The following TANGO6 variants were observed in gnomAD, a reference collection of about 807,000 sequenced individuals.
TANGO6 encodes the protein transport and Golgi organization protein 6 homolog.
A neutral mutation model predicts 114.2 loss-of-function variants in TANGO6; 90 were observed. The observed-to-expected ratio is 0.79, with a 90% CI of 0.66 to 0.94. The LOEUF (loss-of-function observed/expected upper bound fraction) is 0.94. Ranked by LOEUF, TANGO6 falls within the 40% of genes least tolerant of loss-of-function variation. The pLI, the probability that TANGO6 is intolerant of heterozygous loss-of-function variation, is 0.00. For missense variants in TANGO6, 1,274 were observed against 1,315.3 expected (o/e 0.97, Z 0.49); for synonymous variants, 477 against 509.8 (o/e 0.94, Z 0.87).
intron 17 of TANGO6, among the ~76,000 whole-genome samples, chr16:69,056,997 CTTTTTTTT>C (rs71148961): frequency 1.2e-4 from 7 of 59,860 alleles, no homozygotes; most frequent in South Asian, 7.3e-4. Flanking sequence ...GCCTGATTTT[CTTTTTTTT>C]TTTTTTTTTT....
At chr16:68,893,443 A>G (rs1962657393) in intron 7 of TANGO6, among the ~76,000 whole-genome samples, 1 of 152,166 alleles carries the variant, frequency 6.6e-6, no homozygotes, top group Admixed American at 6.6e-5. Context: ...CGTAGGTAGA[A>G]ATCATACATG....
chr16:68,886,594 C>T (rs1161255672), intron 7 of TANGO6, among the ~76,000 whole-genome samples: 11 of 151,838 alleles, frequency 7.2e-5, no homozygotes, highest in Admixed American at 6.6e-4. Context: ...CTGCAACCCC[C>T]GCCTCTTGGG....
In TANGO6 at chr16:69,067,195, C is replaced by G. The variant is rs146633936; in HGVS notation, c.3109-16290C>G. On this transcript the variant is annotated intron_variant, in intron 17 of 17. Transcript: ENST00000261778. ...CATAGGTATGAGCTACTGTGCCTGG[C>G]CTACAAAAAAAATTTTTTTTTTATT... Among the ~76,000 whole-genome samples, 63 of 152,212 alleles carry G rather than the reference C, an allele frequency of 4.1e-4. No individual in the cohort carries two copies. In the East Asian group the frequency reaches 0.011, roughly 27 times the overall value.
chr16:69,010,411 C>T (rs925770813), intron 15 of TANGO6, among the ~76,000 whole-genome samples: 9 of 152,160 alleles, frequency 5.9e-5, no homozygotes, highest in Admixed American at 3.3e-4. Context: ...GCATTGTTTA[C>T]ATCTTTAATT....
At chr16:68,988,636 A>G (rs150777377) in intron 15 of TANGO6, among the ~76,000 whole-genome samples, 2 of 146,194 alleles carry the variant, frequency 1.4e-5, no homozygotes, top group East Asian at 2.0e-4. Flanking sequence ...ACCTGTTTCA[A>G]TTTTTCAATT....
At chr16:69,079,716 G>A (rs985398560) in intron 17 of TANGO6, among the ~76,000 whole-genome samples, 1 of 152,154 alleles carries the variant, frequency 6.6e-6, no homozygotes, top group East Asian at 1.9e-4. Context: ...TACTGGATTA[G>A]CAAAAATAAG....
chr16:68,983,142 A>G (rs1009517750), intron 15 of TANGO6, among the ~76,000 whole-genome samples: 3 of 152,036 alleles, frequency 2.0e-5, no homozygotes, highest in Non-Finnish European at 4.4e-5. Context: ...GAGCCACCGC[A>G]CTGGGCTGAA....
At chr16:69,080,374 G>C (rs1567572378) in intron 17 of TANGO6, among the ~76,000 whole-genome samples, 1 of 152,156 alleles carries the variant, frequency 6.6e-6, no homozygotes. Flanking sequence ...TTCAAGACCA[G>C]CCTGGGCAAC....
chr16:69,021,836 A>C (rs1221109174), intron 15 of TANGO6, among the ~76,000 whole-genome samples: 1 of 149,102 alleles, frequency 6.7e-6, no homozygotes, highest in Non-Finnish European at 1.5e-5. Flanking sequence ...TTATTAAGCT[A>C]TATACTTATG....
chr16:68,921,362 A>G (rs1166954058), intron 12 of TANGO6, among the ~76,000 whole-genome samples: 2 of 150,992 alleles, frequency 1.3e-5, no homozygotes, highest in South Asian at 2.1e-4. Flanking sequence ...TTTTGTATTT[A>G]TAGTAGAGAC....
intron 17 of TANGO6, among the ~76,000 whole-genome samples, chr16:69,042,282 C>CA (rs1959785769): frequency 6.6e-6 from 1 of 152,126 alleles, no homozygotes; most frequent in African/African-American, 2.4e-5. Context: ...CGGGGTGGCT[C>CA]ACACCTGTAA....
At chr16:68,876,832 A>G (rs1440345450) in intron 5 of TANGO6, among the ~76,000 whole-genome samples, 1 of 152,108 alleles carries the variant, frequency 6.6e-6, no homozygotes, top group African/African-American at 2.4e-5. Context: ...AAAGAAAAAC[A>G]ACAAAAAACA....
intron 15 of TANGO6, among the ~76,000 whole-genome samples, chr16:68,980,652 G>A (rs945207833): frequency 6.6e-6 from 1 of 151,402 alleles, no homozygotes; most frequent in Non-Finnish European, 1.5e-5. Context: ...AACTTTAGGT[G>A]CGTGCCACCA....
At chr16:68,852,875 C>T (rs769293451) in intron 1 of TANGO6, among the ~76,000 whole-genome samples, 10 of 151,844 alleles carry the variant, frequency 6.6e-5, no homozygotes, top group Non-Finnish European at 1.3e-4. Flanking sequence ...AATTATATGG[C>T]GAACACCCTT....
At chr16:68,922,860 T>C (rs189020530) in intron 12 of TANGO6, among the ~76,000 whole-genome samples, 6 of 151,832 alleles carry the variant, frequency 4.0e-5, no homozygotes, top group Admixed American at 2.0e-4. Flanking sequence ...GGGCCCATTA[T>C]TGGGAGAGAA....
At chr16:69,065,317 G>A (rs1281230086) in intron 17 of TANGO6, among the ~76,000 whole-genome samples, 1 of 152,188 alleles carries the variant, frequency 6.6e-6, no homozygotes, top group Non-Finnish European at 1.5e-5. Flanking sequence ...GGTGTTGGGA[G>A]TTCTGACCGC....
chr16:69,061,880 A>G (rs542669811), intron 17 of TANGO6, among the ~76,000 whole-genome samples: 187 of 152,048 alleles, frequency 1.2e-3, no homozygotes, highest in African/African-American at 4.2e-3. Context: ...TTAGCCGGGC[A>G]TGGTGGTGGG....
intron 17 of TANGO6, among the ~76,000 whole-genome samples, chr16:69,051,197 C>A (rs1487259048): frequency 6.6e-6 from 1 of 152,072 alleles, no homozygotes; most frequent in Non-Finnish European, 1.5e-5. Context: ...TGTTCCTATT[C>A]CCCATCAGCA....
chr16:68,988,937 G>A (rs1963922541), intron 15 of TANGO6, among the ~76,000 whole-genome samples: 1 of 152,060 alleles, frequency 6.6e-6, no homozygotes, highest in African/African-American at 2.4e-5. Flanking sequence ...CATGATCACA[G>A]CTCACTGCAC....
Sources: allele counts gnomAD v4.1 joint callset (sites outside exome capture counted in the v4.1 genomes callset), GRCh38; gene constraint gnomAD v4.1.1; transcripts MANE v1.5; gene names NCBI Gene and HGNC (gene_info 2026-07-23, HGNC 2026-07-21).